The following RIF1 variants were observed in gnomAD, a reference collection of about 807,000 sequenced individuals.
RIF1 encodes the protein telomere-associated protein RIF1.
RIF1 carries 45 observed loss-of-function variants against 247.1 expected under a neutral mutation model. That is an observed-to-expected ratio of 0.18 (90% CI 0.14 to 0.23). The LOEUF is 0.23. RIF1 is among the 10% of genes least tolerant of loss of function. The pLI, the probability that RIF1 is intolerant of heterozygous loss-of-function variation, is 1.00. For synonymous variants in RIF1, 1,087 were observed against 978.8 expected (o/e 1.11, Z -2.06); for missense variants, 2,967 against 2,862.5 (o/e 1.04, Z -0.83).
chr2:151,458,029 G>T, intron 24 of RIF1, 66 bp downstream of exon 24: 4 of 1,149,138 alleles, frequency 3.5e-6, no homozygotes, highest in Non-Finnish European at 4.9e-6. Flanking sequence ...TTGATACTTT[G>T]ATTCAAATAA....
intron 30 of RIF1, among the ~76,000 whole-genome samples, chr2:151,467,105 T>C (rs1439643699): frequency 6.6e-6 from 1 of 151,962 alleles, no homozygotes; most frequent in Non-Finnish European, 1.5e-5. Context: ...GGCGCACACC[T>C]GTAGTTACAG....
chr2:151,518,942 C>G, the RIF1 span: 2 of 1,549,014 alleles, frequency 1.3e-6, no homozygotes, highest in Admixed American at 1.7e-5. Context: ...CAAGCTGTTT[C>G]TGGAGCAAAT....
At chr2:151,503,262 TA>T in intron 12 of RIF1, 1 of 976,466 alleles carries the variant, frequency 1.0e-6, no homozygotes, top group South Asian at 1.4e-5. Context: ...GAATTGCTGT[TA>T]AGATGTTACT....
chr2:151,526,682 ACT>A, the RIF1 span, among the ~76,000 whole-genome samples: 4 of 151,996 alleles, frequency 2.6e-5, no homozygotes, highest in East Asian at 1.9e-4. Flanking sequence ...TGCTGTGTGA[ACT>A]CTCTGCTGGT....
chr2:151,530,472 G>A, the RIF1 span, among the ~76,000 whole-genome samples: 3 of 152,170 alleles, frequency 2.0e-5, no homozygotes, highest in African/African-American at 4.8e-5. Flanking sequence ...TGTTCCGAGG[G>A]AGCCATAGTG....
chr2:151,467,480 C>T (rs1362427236), intron 30 of RIF1, among the ~76,000 whole-genome samples: 6 of 151,862 alleles, frequency 4.0e-5, no homozygotes, highest in Admixed American at 3.9e-4. Flanking sequence ...GAGTAGCTGG[C>T]ATTACAGGCA....
intron 34 of RIF1, among the ~76,000 whole-genome samples, chr2:151,471,744 C>T (rs1397554073): frequency 6.6e-6 from 1 of 152,094 alleles, no homozygotes; most frequent in Non-Finnish European, 1.5e-5. Flanking sequence ...TGTTTTGGTA[C>T]CAGTACCATG....
chr2:151,497,537 A>T (rs2061048960), intron 10 of RIF1: 1 of 1,503,478 alleles, frequency 6.7e-7, no homozygotes, highest in East Asian at 2.5e-5. Flanking sequence ...AGTTGTCTTT[A>T]AAAAGTAGGA....
chr2:151,500,008 A>C (rs2063209716), intron 11 of RIF1, among the ~76,000 whole-genome samples: 1 of 152,228 alleles, frequency 6.6e-6, no homozygotes, highest in Non-Finnish European at 1.5e-5. Flanking sequence ...AGATACAAAT[A>C]ATAATATACT....
chr2:151,491,812 G>T, intron 9 of RIF1: 1 of 1,487,208 alleles, frequency 6.7e-7, no homozygotes, highest in Non-Finnish European at 9.2e-7. Flanking sequence ...AAGTGTTCTT[G>T]GAGTTTTCCA....
At chr2:151,502,553 G>A (rs1393950028) in intron 11 of RIF1, among the ~76,000 whole-genome samples, 2 of 152,052 alleles carry the variant, frequency 1.3e-5, no homozygotes, top group African/African-American at 4.8e-5. Flanking sequence ...AGGAGGAATG[G>A]AGGAAGAAAA....
At chr2:151,509,546 T>C (rs1179749436), downstream of RIF1, among the ~76,000 whole-genome samples, 1 of 152,138 alleles carries the variant, frequency 6.6e-6, no homozygotes, top group South Asian at 2.1e-4. Flanking sequence ...CCAGACCAAA[T>C]TGAGGGTTGG....
At chr2:151,412,014 G>C (rs1686326007) in intron 3 of RIF1, among the ~76,000 whole-genome samples, 1 of 152,176 alleles carries the variant, frequency 6.6e-6, no homozygotes, top group South Asian at 2.1e-4. Context: ...CTACATCTAA[G>C]TAAGTGCTTC....
chr2:151,410,467 C>T lies in RIF1; in HGVS notation c.44C>T (p.Thr15Ile). Residue 15 changes from threonine (T) to isoleucine (I), a missense_variant, in exon 2 of 36, where the codon ACT (threonine) becomes ATT (isoleucine). By Grantham distance (89) the Thr-to-Ile change is moderately conservative. Transcript: ENST00000444746. Reference sequence around the variant, plus strand: ...AGCCCCCTCGCGCCGCTGTTGGAGACTTTGGAAGACCCTTCTGCCTCCCAT... The same window carrying T: ...AGCCCCCTCGCGCCGCTGTTGGAGATTTTGGAAGACCCTTCTGCCTCCCAT... ...GQSPLAPLLE[T>I]LEDPSASHGG... The T allele has an allele frequency of 1.2e-6, 2 of 1,614,132 alleles. No individual in the cohort carries two copies. The highest frequency in any genetic ancestry group is 1.7e-6 in the Non-Finnish European group (2 of 1,180,032).
the RIF1 span, among the ~76,000 whole-genome samples, chr2:151,519,268 T>C: frequency 6.6e-6 from 1 of 152,206 alleles, no homozygotes. Flanking sequence ...ATGTGGCATA[T>C]ACATACAATG....
rs1270007103 is a variant in RIF1, at chr2:151,492,510, C to T, written c.*416-2719C>T. 1.9e-6 allele frequency: 3 copies of T among 1,567,396 alleles called. No individual in the cohort carries two copies. Among genetic ancestry groups the T allele is most frequent in the East Asian group, 2.2e-5 (1 of 44,662 alleles). ...AATAAAGAACCTGATGCAGGAGAGA[C>T]CGTGAATGAGTGGTGCTGTCCTAAA... On this transcript the variant is annotated intron_variant and NMD_transcript_variant, in intron 9 of 13. Coordinates refer to the RIF1 transcript ENST00000454583.
rs183434342 is a variant in RIF1 at position 151,459,658 on chromosome 2, A to G, written c.2956-342A>G. On this transcript the variant is annotated intron_variant, in intron 25 of 35. Transcript: ENST00000444746. ...TAACCCTCAGTTGTTTAATGTTTAA[A>G]GTTCTATGGCTTTGAATATTCTCTT... is the stretch of plus-strand genomic sequence containing the variant. Among the ~76,000 whole-genome samples the G allele has an allele frequency of 1.8e-3, 272 of 152,328 alleles. 1 individual carries two copies. Among genetic ancestry groups the G allele is most frequent in the African/African-American group, 6.0e-3 (249 of 41,582 alleles).
In RIF1 at chr2:151,457,791, T is replaced by G. The variant is rs1369712474; in HGVS notation, c.2683T>G (p.Cys895Gly). Residue 895 changes from cysteine to glycine, a missense_variant, in exon 24 of 36, where the codon TGT becomes GGT. Cys to Gly is a radical substitution (Grantham distance 159). Around this residue, in one of 7 missense-constraint regions of RIF1, gnomAD observed 2,028 missense variants for 1,825.6 expected, o/e 1.11. Transcript: ENST00000444746. ...AAAGCTACTGGGAGAAATTATTGCT[T>G]GTCTGCAATTCAGCTACACCGGAAC... ...LEKLLGEIIA[C>G]LQFSYTGTYD... The G allele has an allele frequency of 6.2e-7, 1 of 1,613,874 alleles. No individual in the cohort carries two copies. The highest frequency in any genetic ancestry group is 2.2e-5 in the East Asian group (1 of 44,802).
chr2:151,454,755 T>C, intron 21 of RIF1, 140 bp from the exon 22 acceptor site: 1 of 581,228 alleles, frequency 1.7e-6, no homozygotes, highest in East Asian at 2.9e-5. Flanking sequence ...ATGTTATGAT[T>C]TGTTTGGGGT....
Sources: allele counts gnomAD v4.1 joint callset (sites outside exome capture counted in the v4.1 genomes callset), GRCh38; gene constraint gnomAD v4.1.1; regional missense constraint gnomAD v4.1.1; transcripts MANE v1.5; gene names NCBI Gene and HGNC (gene_info 2026-07-23, HGNC 2026-07-21).